PDE4D: variants seen among roughly 807,000 people sequenced by gnomAD.
PDE4D encodes phosphodiesterase 4D, also known as 3',5'-cyclic-AMP phosphodiesterase 4D.
PDE4D carries 24 observed loss-of-function variants against 87.4 expected under a neutral mutation model. That is an observed-to-expected ratio of 0.27 (90% CI 0.20 to 0.39). The LOEUF (loss-of-function observed/expected upper bound fraction) is 0.39, where lower values mean the gene tolerates loss of function less well. Ranked by LOEUF, PDE4D falls within the 10% of genes least tolerant of loss-of-function variation. The pLI is 1.00. For missense variants in PDE4D, 714 were observed against 1,041.0 expected (o/e 0.69, Z 4.32); for synonymous variants, 384 against 383.2 (o/e 1.00, Z -0.02).
At chr5:59,204,172 G>C (rs1047832510) in intron 2 of PDE4D, among the ~76,000 whole-genome samples, 1 of 148,028 alleles carries the variant, frequency 6.8e-6, no homozygotes, top group Non-Finnish European at 1.5e-5. Flanking sequence ...ACAAGAATTA[G>C]AGCCCGGCCC....
intron 5 of PDE4D, among the ~76,000 whole-genome samples, chr5:59,130,094 A>T (rs1776064282): frequency 2.0e-5 from 3 of 152,194 alleles, no homozygotes; most frequent in Admixed American, 1.3e-4. Flanking sequence ...GTACCACTAA[A>T]ATTGGAAGGA....
intron 1 of PDE4D, among the ~76,000 whole-genome samples, chr5:59,608,956 A>G (rs1002885730): frequency 2.0e-5 from 3 of 152,230 alleles, no homozygotes; most frequent in Middle Eastern, 3.4e-3. Context: ...GGTTAGCCCT[A>G]TAGAGAGGCC....
At chr5:60,339,121 C>T (rs1372572654) in intron 1 of PDE4D, among the ~76,000 whole-genome samples, 2 of 152,192 alleles carry the variant, frequency 1.3e-5, no homozygotes, top group East Asian at 3.9e-4. Flanking sequence ...TCCCTCTTCA[C>T]ATCTTCATGG....
intron 1 of PDE4D, among the ~76,000 whole-genome samples, chr5:60,405,478 A>G (rs1178781817): frequency 6.6e-6 from 1 of 152,230 alleles, no homozygotes; most frequent in African/African-American, 2.4e-5. Context: ...CAATGAGGTC[A>G]CTGGCCCTGT....
In PDE4D at chr5:58,969,689, T is replaced by C. The variant is rs1463195216; in HGVS notation, c.*4975A>G. 6.6e-6 allele frequency: 1 copy of C among 152,192 alleles called. No homozygotes were observed. The highest frequency in any genetic ancestry group is 1.5e-5 in the Non-Finnish European group (1 of 68,036). 9.4% of individuals were successfully genotyped at this position (152,192 alleles called of 1,614,324 possible). On this transcript the variant is annotated 3_prime_UTR_variant, in exon 15 of 15. Coordinates refer to ENST00000340635, the MANE Select transcript of PDE4D (RefSeq NM_001104631.2). ...TGTCCCCTCCAGACTGTAAGCTCCA[T>C]GAAAGCAAACACTGTGTCTCATTAA...
chr5:59,174,616 T>C (rs1303524146), intron 5 of PDE4D: 1 of 152,358 alleles, frequency 6.6e-6, no homozygotes, highest in Non-Finnish European at 1.5e-5. Context: ...GAGGTTGGGA[T>C]GAGAAATTTT....
chr5:59,281,456 T>C (rs761501693), intron 1 of PDE4D, among the ~76,000 whole-genome samples: 6 of 152,180 alleles, frequency 3.9e-5, no homozygotes, highest in Non-Finnish European at 7.4e-5. Context: ...ATTTTCTATG[T>C]TTATCTAAGC....
intron 1 of PDE4D, among the ~76,000 whole-genome samples, chr5:59,404,495 C>G (rs1791264714): frequency 6.6e-6 from 1 of 152,006 alleles, no homozygotes; most frequent in Admixed American, 6.6e-5. Flanking sequence ...CCTGTCTCAA[C>G]TAAAAATACA....
At chr5:60,386,515 A>G (rs1234363295) in intron 1 of PDE4D, among the ~76,000 whole-genome samples, 6 of 152,094 alleles carry the variant, frequency 3.9e-5, no homozygotes, top group Admixed American at 2.6e-4. Flanking sequence ...TTGCCCTCCT[A>G]AGACTCTTTG....
intron 1 of PDE4D, among the ~76,000 whole-genome samples, chr5:59,541,380 T>G (rs114340644): frequency 0.012 from 1,872 of 152,342 alleles, 40 homozygotes; most frequent in African/African-American, 0.043. Context: ...GATATCTTTT[T>G]AGAATATAAC....
At position 60,380,661 on chromosome 5, in the gene PDE4D, G is replaced by A. The variant is rs574178292; in HGVS notation, c.-90+107281C>T. 2.6e-5 allele frequency among the ~76,000 whole-genome samples: 4 copies of A among 152,278 alleles called. No individual in the cohort carries two copies. In the South Asian group the frequency reaches 6.2e-4, roughly 24 times the overall value. On this transcript the variant is annotated intron_variant, in intron 1 of 16. Coordinates refer to the PDE4D transcript ENST00000502484. ...ACCAATTTGGAGATTGTTTGTTAGCGCAGCGTAACATCCTAAGTTCACTGA... is the reference window on the plus strand; with the variant it reads ...ACCAATTTGGAGATTGTTTGTTAGCACAGCGTAACATCCTAAGTTCACTGA...
chr5:60,289,298 A>G (rs1752688511), intron 1 of PDE4D, among the ~76,000 whole-genome samples: 1 of 152,216 alleles, frequency 6.6e-6, no homozygotes, highest in Admixed American at 6.5e-5. Flanking sequence ...AACAGAATGC[A>G]AAGTCCAGTA....
chr5:60,032,513 T>A (rs1356950426), intron 2 of PDE4D, among the ~76,000 whole-genome samples: 1 of 152,234 alleles, frequency 6.6e-6, no homozygotes, highest in African/African-American at 2.4e-5. Flanking sequence ...GGAAAGGTAC[T>A]CATTCCCGCA....
At chr5:60,046,559 G>C (rs1403991263) in intron 2 of PDE4D, among the ~76,000 whole-genome samples, 1 of 152,162 alleles carries the variant, frequency 6.6e-6, no homozygotes, top group South Asian at 2.1e-4. Context: ...CTAATTTATT[G>C]AGAGTTTTTA....
intron 3 of PDE4D, among the ~76,000 whole-genome samples, chr5:59,981,183 C>T (rs925016636): frequency 6.6e-6 from 1 of 151,898 alleles, no homozygotes; most frequent in Admixed American, 6.6e-5. Context: ...ACCTGGGGGG[C>T]GGAGGTTGCA....
At chr5:60,090,665 A>C (rs545603117) in intron 2 of PDE4D, among the ~76,000 whole-genome samples, 1 of 152,320 alleles carries the variant, frequency 6.6e-6, no homozygotes, top group East Asian at 1.9e-4. Flanking sequence ...ATAGCACTGG[A>C]AGTCCTATCA....
intron 1 of PDE4D, among the ~76,000 whole-genome samples, chr5:59,326,139 G>A (rs991287396): frequency 4.2e-4 from 64 of 151,970 alleles, no homozygotes; most frequent in African/African-American, 1.4e-3. Flanking sequence ...AGGGGGAAGG[G>A]ATAGCATTAG....
At chr5:60,174,009 T>C (rs1783703569) in intron 2 of PDE4D, among the ~76,000 whole-genome samples, 1 of 152,116 alleles carries the variant, frequency 6.6e-6, no homozygotes, top group Admixed American at 6.6e-5. Context: ...AGAAAATATT[T>C]AGGATATGTA....
intron 1 of PDE4D, among the ~76,000 whole-genome samples, chr5:59,848,126 C>G (rs922452446): frequency 3.9e-5 from 6 of 151,930 alleles, no homozygotes; most frequent in Admixed American, 2.6e-4. Flanking sequence ...ATCCCTAAAG[C>G]TATTTTTTTA....
Sources: gnomAD v4.1 joint callset for allele counts (sites outside exome capture counted in the v4.1 genomes callset) on GRCh38, gnomAD v4.1.1 for gene constraint, MANE v1.5 for transcripts, NCBI Gene and HGNC (gene_info 2026-07-23, HGNC 2026-07-21) for gene names.